Variants in MGAT5B observed in about 807,000 individuals in gnomAD.
MGAT5B encodes N-acetylglucosaminyl-transferase Vb.
In MGAT5B, 54 loss-of-function variants were observed where a neutral mutation model predicts 95.1. The observed-to-expected ratio is 0.57, with a 90% CI of 0.46 to 0.71. MGAT5B has a LOEUF of 0.71. MGAT5B is among the 30% of genes least tolerant of loss of function. The pLI is 0.00. For synonymous variants in MGAT5B, 464 were observed against 451.0 expected, an observed-to-expected ratio of 1.03 and a Z score of -0.36; for missense variants, 935 against 1,088.6, an observed-to-expected ratio of 0.86 and a Z score of 1.99.
rs1966893512 is a variant in MGAT5B at position 76,868,989 on chromosome 17, C to T, written c.-41C>T. On this transcript the variant is annotated 5_prime_UTR_variant, in exon 1 of 18. Coordinates refer to ENST00000569840, the MANE Select transcript of MGAT5B (RefSeq NM_001199172.2). This position sits in a 1 kb window ranked among gnomAD's most constrained non-coding sequence, Gnocchi z 6.3. The stretch of plus-strand genomic sequence containing the variant: ...GAGAGCTGGGCCCAGGACGGTGCGT[C>T]CGGCCTCGCCCGCGGCTGCTCGCAC... 6.2e-7 allele frequency: 1 copy of T among 1,600,352 alleles called. No homozygotes were observed. The highest frequency in any genetic ancestry group is 8.6e-7 in the Non-Finnish European group (1 of 1,168,046).
At chr17:76,924,792 TGTGCA>T (rs1331058248) in intron 8 of MGAT5B, among the ~76,000 whole-genome samples, 169 bp from the exon 9 acceptor site, 1 of 152,184 alleles carries the variant, frequency 6.6e-6, no homozygotes, top group Non-Finnish European at 1.5e-5. Flanking sequence ...TGGATTGCCT[TGTGCA>T]GTGAAAAACC....
chr17:76,946,313 A>G (rs1599012900), intron 15 of MGAT5B, 63 bp from the exon 16 acceptor site: 1 of 1,435,342 alleles, frequency 7.0e-7, no homozygotes, highest in South Asian at 1.2e-5. Flanking sequence ...AATGCCGAGC[A>G]TGGCAGGGCC....
chr17:76,872,921 G>GC lies in MGAT5B; in HGVS notation c.142dup (p.Arg48ProfsTer49). On this transcript the variant is annotated frameshift_variant, in exon 2 of 18. Transcript: ENST00000569840. LOFTEE classifies it high-confidence loss of function. ...GACGTCTCTGGGAGGCCAGTTCTCG[G>GC]CCCGGCGCCTGGGGGACTCGCCATT... 1 of 1,614,130 alleles carries GC rather than the reference G, an allele frequency of 6.2e-7. No homozygotes were observed. Among genetic ancestry groups the GC allele is most frequent in the Non-Finnish European group, 8.5e-7 (1 of 1,180,036 alleles).
chr17:76,870,308 C>T lies in MGAT5B; in HGVS notation c.68+1211C>T, dbSNP rs1465345740. Among the ~76,000 whole-genome samples the T allele has an allele frequency of 1.3e-5, 2 of 152,172 alleles. No homozygotes were observed. The highest frequency in any genetic ancestry group is 1.9e-4 in the East Asian group (1 of 5,138). On this transcript the variant is annotated intron_variant, in intron 1 of 17. Transcript: ENST00000569840. The surrounding 1 kb of genome is among the most constrained non-coding windows in gnomAD (Gnocchi z 5.0). ...GGGGTCAGGCTGGACCTCTGCGGTC[C>T]GGGGGTCCGGGAGGCCCGGAGAGCT... is the stretch of plus-strand genomic sequence containing the variant.
At chr17:76,904,208 G>A in intron 5 of MGAT5B, 44 bp from the exon 6 acceptor site, 3 of 1,560,046 alleles carry the variant, frequency 1.9e-6, no homozygotes, top group Non-Finnish European at 2.6e-6. Context: ...CCGAGGGTCA[G>A]TGGGGCTGGC....
intron 8 of MGAT5B, among the ~76,000 whole-genome samples, chr17:76,920,945 G>T (rs961366052): frequency 6.6e-6 from 1 of 152,202 alleles, no homozygotes; most frequent in African/African-American, 2.4e-5. Flanking sequence ...AGTGGGTCAG[G>T]TCCTGTCCCT....
In MGAT5B at chr17:76,948,787, C is replaced by T. The variant is rs972294019; in HGVS notation, c.2328C>T (p.Pro776=). ...GSNTKYRRLC[P]CRDFRKGQVA... ...ACACCAAGTACCGCCGGCTCTGCCC[C>T]TGCCGCGACTTCCGCAAGGGCCAGG... The change falls in exon 18 of 18, where the codon CCC becomes CCT. Residue 776 remains proline, a synonymous_variant. Coordinates refer to ENST00000569840, the MANE Select transcript of MGAT5B (RefSeq NM_001199172.2). The T allele has an allele frequency of 6.2e-7, 1 of 1,609,338 alleles. No homozygotes were observed. Among genetic ancestry groups the T allele is most frequent in the African/African-American group, 1.3e-5 (1 of 75,018 alleles).
intron 8 of MGAT5B, among the ~76,000 whole-genome samples, chr17:76,923,106 G>C (rs1969170472): frequency 6.6e-6 from 1 of 152,192 alleles, no homozygotes; most frequent in Non-Finnish European, 1.5e-5. Flanking sequence ...GCACCACTTT[G>C]GACGGTGTGC....
chr17:76,897,332 C>T (rs1027386217), intron 3 of MGAT5B, among the ~76,000 whole-genome samples: 1 of 152,120 alleles, frequency 6.6e-6, no homozygotes, highest in South Asian at 2.1e-4. Flanking sequence ...TGTCTTAAAC[C>T]AACAGAAATT....
intron 2 of MGAT5B, among the ~76,000 whole-genome samples, chr17:76,873,741 C>T (rs1967086860): frequency 6.6e-6 from 1 of 152,134 alleles, no homozygotes; most frequent in African/African-American, 2.4e-5. Context: ...CTCACTGTAT[C>T]ATGGGGGTTC....
At position 76,915,675 on chromosome 17, in the gene MGAT5B, G is replaced by T. The variant is rs1004688728; in HGVS notation, c.1026-9291G>T. On this transcript the variant is annotated intron_variant, in intron 8 of 17. Coordinates refer to ENST00000569840, the MANE Select transcript of MGAT5B (RefSeq NM_001199172.2). The surrounding 1 kb of genome is among the most constrained non-coding windows in gnomAD (Gnocchi z 8.7). ...GATTAGGAAAAGGTGGGGAAGAACC[G>T]CATCTTGGCACCTAGACTTGTGAAT... is the stretch of plus-strand genomic sequence containing the variant. Among the ~76,000 whole-genome samples the T allele has an allele frequency of 1.3e-5, 2 of 152,164 alleles. No homozygotes were observed. The highest frequency in any genetic ancestry group is 2.9e-5 in the Non-Finnish European group (2 of 68,032).
chr17:76,946,357 C>T lies in MGAT5B; in HGVS notation c.1849-19C>T, dbSNP rs748366692. 2 of 1,601,604 alleles carry T rather than the reference C, an allele frequency of 1.2e-6. No homozygotes were observed. Among genetic ancestry groups the T allele is most frequent in the Non-Finnish European group, 1.7e-6 (2 of 1,172,888 alleles). ...CTGGGCCTTCTCCCGCCCCATGTGT[C>T]TGCCCATCCCTCCCACAGGTAGACC... On this transcript the variant is annotated intron_variant, in intron 15 of 17. Transcript: ENST00000569840.
intron 8 of MGAT5B, among the ~76,000 whole-genome samples, chr17:76,909,540 AGGAGTGTTGGAGAGCAGAGGATGC>A (rs1968657314): frequency 6.6e-6 from 1 of 152,328 alleles, no homozygotes; most frequent in South Asian, 2.1e-4. Context: ...TCTGTAGCAC[AGGAGTGTTGGAGAGCAGAGGATGC>A]TGATGAGGAC....
In MGAT5B at chr17:76,905,551, C is replaced by G. The variant is rs941049130; in HGVS notation, c.855+218C>G. ...ACCAAATGACAAGCCCCCAAGAGGT[C>G]CTGCATTCTGTGTACATCTGGTTCA... On this transcript the variant is annotated intron_variant, in intron 7 of 17. Coordinates refer to ENST00000569840, the MANE Select transcript of MGAT5B (RefSeq NM_001199172.2). The surrounding 1 kb of genome is among the most constrained non-coding windows in gnomAD (Gnocchi z 4.2). Among the ~76,000 whole-genome samples, 1 of 152,154 alleles carries G rather than the reference C, an allele frequency of 6.6e-6. No individual in the cohort carries two copies. The highest frequency in any genetic ancestry group is 1.5e-5 in the Non-Finnish European group (1 of 68,026).
intron 3 of MGAT5B, among the ~76,000 whole-genome samples, chr17:76,895,518 T>C (rs1461591047): frequency 2.0e-5 from 3 of 152,146 alleles, no homozygotes; most frequent in African/African-American, 7.2e-5. Context: ...GCCAGAAGTC[T>C]GAGATCAAGA....
At chr17:76,886,171 G>A (rs766112581) in intron 3 of MGAT5B, among the ~76,000 whole-genome samples, 9 of 152,318 alleles carry the variant, frequency 5.9e-5, no homozygotes, top group South Asian at 2.1e-4. Context: ...TAAAACCACC[G>A]AAATTTGAGG....
intron 15 of MGAT5B, among the ~76,000 whole-genome samples, chr17:76,945,407 A>C (rs1448914590): frequency 2.0e-5 from 3 of 152,184 alleles, no homozygotes; most frequent in African/African-American, 7.2e-5. Context: ...CTCCTGCCTC[A>C]GCCTCCCAAG....
chr17:76,882,355 C>G (rs1967459870), intron 3 of MGAT5B, 57 bp downstream of exon 3: 4 of 1,539,972 alleles, frequency 2.6e-6, no homozygotes, highest in Non-Finnish European at 3.5e-6. Flanking sequence ...ACCTGCCACT[C>G]CATCCGGGGT....
intron 3 of MGAT5B, among the ~76,000 whole-genome samples, chr17:76,885,666 G>C (rs964019444): frequency 6.6e-6 from 1 of 152,204 alleles, no homozygotes; most frequent in African/African-American, 2.4e-5. Context: ...CATCACGACC[G>C]GCAGAGCCCA....
Sources: allele counts gnomAD v4.1 joint callset (sites outside exome capture counted in the v4.1 genomes callset), GRCh38; gene constraint gnomAD v4.1.1; non-coding constraint Gnocchi (gnomAD v3.1); transcripts MANE v1.5; gene names NCBI Gene and HGNC (gene_info 2026-07-23, HGNC 2026-07-21).